The following CFAP45 variants were observed in gnomAD, a reference collection of about 807,000 sequenced individuals.
CFAP45 encodes the protein cilia- and flagella-associated protein 45.
Under a neutral mutation model 75.6 loss-of-function variants are expected in CFAP45, and 43 were observed. That is an observed-to-expected ratio of 0.57 (90% CI 0.45 to 0.73). The LOEUF (loss-of-function observed/expected upper bound fraction) is 0.73, where lower values mean the gene tolerates loss of function less well. Ranked by LOEUF, CFAP45 falls within the 30% of genes least tolerant of loss-of-function variation. CFAP45 has a pLI of 0.00. For synonymous variants in CFAP45, 223 were observed against 244.6 expected, an observed-to-expected ratio of 0.91 and a Z score of 0.82; for missense variants, 689 against 701.5, an observed-to-expected ratio of 0.98 and a Z score of 0.20.
intron 1 of CFAP45, among the ~76,000 whole-genome samples, chr1:159,896,191 G>A (rs771310283): frequency 6.6e-6 from 1 of 152,210 alleles, no homozygotes; most frequent in Admixed American, 6.5e-5. Context: ...TGAAGTGTCC[G>A]CCAGACTGCA....
intron 1 of CFAP45, among the ~76,000 whole-genome samples, chr1:159,897,802 A>T (rs889826442): frequency 1.1e-4 from 16 of 152,342 alleles, no homozygotes; most frequent in African/African-American, 3.6e-4. Context: ...TTATTTGAAA[A>T]CAAAGCATAG....
rs745899805 is a variant in CFAP45 at position 159,887,992 on chromosome 1, T to G, written c.437A>C (p.Lys146Thr). 6.2e-7 allele frequency: 1 copy of G among 1,614,210 alleles called. No homozygotes were observed. The highest frequency in any genetic ancestry group is 8.5e-7 in the Non-Finnish European group (1 of 1,180,036). The change falls in exon 5 of 12, where the codon AAG becomes ACG. Residue 146 changes from lysine to threonine, a missense_variant. Lys to Thr is a moderately conservative substitution (Grantham distance 78). Coordinates refer to ENST00000368099, the MANE Select transcript of CFAP45 (RefSeq NM_012337.3). The part of the protein sequence containing the change: ...EATMDAVMTR[K>T]KIMKQKEMVW... The stretch of plus-strand genomic sequence containing the variant: ...CATCTCCTTCTGTTTCATGATCTTC[T>G]TTCGTGTCATCACTGCATCCTAAGG...
At chr1:159,879,897 T>C (rs1649508230) in intron 8 of CFAP45, among the ~76,000 whole-genome samples, 1 of 152,240 alleles carries the variant, frequency 6.6e-6, no homozygotes, top group Non-Finnish European at 1.5e-5. Flanking sequence ...TACTTCCTCC[T>C]CTTTTTACAT....
At chr1:159,893,509 C>T (rs930106635) in intron 1 of CFAP45, among the ~76,000 whole-genome samples, 1 of 151,786 alleles carries the variant, frequency 6.6e-6, no homozygotes, top group Non-Finnish European at 1.5e-5. Flanking sequence ...GGAAGGGTCT[C>T]TGCAAAAAAA....
intron 9 of CFAP45, 139 bp downstream of exon 9, chr1:159,877,210 C>A: frequency 1.3e-6 from 1 of 743,712 alleles, no homozygotes; most frequent in Non-Finnish European, 2.5e-6. Flanking sequence ...CCACCCCTTC[C>A]TTCTCAGACT....
At position 159,876,556 on chromosome 1, in the gene CFAP45, C is replaced by T. The variant is rs760907702; in HGVS notation, c.1352G>A (p.Arg451Gln). ...RDRDEFERIL[R>Q]AQREQIEKER... Reference sequence around the variant, plus strand: ...TCCAAGGTTCCCAGGCCCCTCCTACCGAAGAATCCTCTCGAACTCATCCCG... The same window carrying T: ...TCCAAGGTTCCCAGGCCCCTCCTACTGAAGAATCCTCTCGAACTCATCCCG... Residue 451 changes from arginine to glutamine, a missense_variant and splice_region_variant, in exon 10 of 12, where the codon CGG becomes CAG. By Grantham distance (43) the Arg-to-Gln change is conservative. Coordinates refer to ENST00000368099, the MANE Select transcript of CFAP45 (RefSeq NM_012337.3). 9.3e-6 allele frequency: 15 copies of T among 1,609,984 alleles called. 1 individual carries two copies. In the South Asian group the frequency reaches 1.3e-4, roughly 14 times the overall value.
At chr1:159,875,493 G>A (rs1192002298) in intron 10 of CFAP45, among the ~76,000 whole-genome samples, 1 of 152,168 alleles carries the variant, frequency 6.6e-6, no homozygotes, top group Non-Finnish European at 1.5e-5. Context: ...AAGGATAGAG[G>A]CTCCCGAAGA....
intron 2 of CFAP45, among the ~76,000 whole-genome samples, chr1:159,891,996 T>C (rs1310126373): frequency 6.6e-6 from 1 of 152,054 alleles, no homozygotes. Context: ...GTAAGTGAAA[T>C]TGCATTTTGG....
intron 2 of CFAP45, among the ~76,000 whole-genome samples, chr1:159,892,169 C>A (rs112515584): frequency 0.01 from 1,576 of 152,188 alleles, 31 homozygotes; most frequent in African/African-American, 0.036. Context: ...CACCTGTAGT[C>A]CCAGCTACTT....
intron 8 of CFAP45, among the ~76,000 whole-genome samples, chr1:159,877,777 T>C (rs895885205): frequency 2.0e-5 from 3 of 152,022 alleles, no homozygotes; most frequent in Non-Finnish European, 4.4e-5. Flanking sequence ...CTCGGGAAGC[T>C]GAGATAGGAG....
intron 2 of CFAP45, 105 bp from the exon 3 acceptor site, chr1:159,890,727 GC>G: frequency 2.1e-6 from 2 of 955,942 alleles, no homozygotes; most frequent in Non-Finnish European, 3.2e-6. Flanking sequence ...TCTGAGCATG[GC>G]TGGATGTGTA....
rs976925558 is a variant in CFAP45, at chr1:159,872,888, T to C, written c.1577+56A>G. 3.3e-6 allele frequency: 5 copies of C among 1,524,180 alleles called. No homozygotes were observed. The African/African-American group carries it at 6.9e-5, about 21-fold the overall frequency. 94.4% of individuals were successfully genotyped at this position (1,524,180 alleles called of 1,614,324 possible). A position where few individuals can be genotyped will look rare whatever the true frequency, so the allele number is the denominator to read the frequency against. Reference sequence around the variant, plus strand: ...AATCCCCATGCTTTCCAGCCTGTGGTGCCATCTCTTTGCGGGAGGGAAGAG... The same window carrying C: ...AATCCCCATGCTTTCCAGCCTGTGGCGCCATCTCTTTGCGGGAGGGAAGAG... On this transcript the variant is annotated intron_variant, in intron 11 of 11. Transcript: ENST00000368099.
intron 10 of CFAP45, 176 bp downstream of exon 10, chr1:159,876,380 C>A (rs1649401886): frequency 1.1e-5 from 7 of 610,722 alleles, no homozygotes; most frequent in Admixed American, 8.7e-5. Flanking sequence ...TCACATAATT[C>A]TTGGCTCAAG....
rs780030597 is a variant in CFAP45 at position 159,872,459 on chromosome 1, C to T, written c.*26G>A. On this transcript the variant is annotated 3_prime_UTR_variant, in exon 12 of 12. Transcript: ENST00000368099. ...CTGGGCAGAATCTGTCCCCCGAAGG[C>T]ATCCTGAGGGCCACGAAGGCTCCCC... 78 of 1,592,776 alleles carry T rather than the reference C, an allele frequency of 4.9e-5. No homozygotes were observed. Among genetic ancestry groups the T allele is most frequent in the Non-Finnish European group, 6.5e-5 (75 of 1,160,524 alleles).
chr1:159,888,114 C>T, intron 4 of CFAP45, 103 bp from the exon 5 acceptor site: 1 of 1,351,412 alleles, frequency 7.4e-7, no homozygotes. Flanking sequence ...TTTGCCTTGG[C>T]CAGTGATGAT....
intron 10 of CFAP45, among the ~76,000 whole-genome samples, chr1:159,874,175 A>C (rs1649348860): frequency 6.6e-6 from 1 of 152,216 alleles, no homozygotes; most frequent in Non-Finnish European, 1.5e-5. Context: ...TCTTAAGCTA[A>C]CATCTAATTT....
rs776417553 is a variant in CFAP45, at chr1:159,877,324, A to G, written c.1158+25T>C. ...ATAGGCAAGGGAGTGGGAAAAGTAG[A>G]GGGAAGTCGAGACTAAGCAGGTACC... is the stretch of plus-strand genomic sequence containing the variant. On this transcript the variant is annotated intron_variant, in intron 9 of 11. Transcript: ENST00000368099. 9 of 1,477,132 alleles carry G rather than the reference A, an allele frequency of 6.1e-6. No homozygotes were observed. The Middle Eastern group carries it at 5.2e-4, about 85-fold the overall frequency. 91.5% of individuals were successfully genotyped at this position (1,477,132 alleles called of 1,614,324 possible).
intron 1 of CFAP45, 54 bp downstream of exon 1, chr1:159,900,042 C>T (rs1650039054): frequency 6.2e-7 from 1 of 1,610,728 alleles, no homozygotes; most frequent in African/African-American, 1.3e-5. Context: ...TTTCCCCACT[C>T]AGAGCCCCCA....
At chr1:159,889,917 G>C in intron 3 of CFAP45, among the ~76,000 whole-genome samples, 1 of 152,208 alleles carries the variant, frequency 6.6e-6, no homozygotes, top group Admixed American at 6.5e-5. Flanking sequence ...ATGGCACATG[G>C]TTGAGCTAGG....
Sources: gnomAD v4.1 joint callset for allele counts (sites outside exome capture counted in the v4.1 genomes callset) on GRCh38, gnomAD v4.1.1 for gene constraint, MANE v1.5 for transcripts, NCBI Gene and HGNC (gene_info 2026-07-23, HGNC 2026-07-21) for gene names.